The following FRMD4A variants were observed in gnomAD, a reference collection of about 807,000 sequenced individuals.
FRMD4A encodes the protein FERM domain-containing protein 4A.
A neutral mutation model predicts 129.1 loss-of-function variants in FRMD4A; 29 were observed. The observed-to-expected ratio is 0.22, with a 90% CI of 0.17 to 0.31. The LOEUF (loss-of-function observed/expected upper bound fraction) is 0.31. Ranked by LOEUF, FRMD4A falls within the 10% of genes least tolerant of loss-of-function variation. The probability of loss-of-function intolerance (pLI) is 1.00; values close to 1 mark genes in which losing one functional copy is unlikely to be tolerated. For missense variants in FRMD4A, 1,272 were observed against 1,375.8 expected, an observed-to-expected ratio of 0.92 and a Z score of 1.19; for synonymous variants, 634 against 571.6, an observed-to-expected ratio of 1.11 and a Z score of -1.56.
At chr10:13,956,312 C>G (rs1011989099) in intron 2 of FRMD4A, among the ~76,000 whole-genome samples, 2 of 152,140 alleles carry the variant, frequency 1.3e-5, no homozygotes, top group East Asian at 3.9e-4. Flanking sequence ...GCCACCACAC[C>G]CGGCTAATTT....
chr10:13,948,572 C>A (rs916850190), intron 2 of FRMD4A, among the ~76,000 whole-genome samples: 5 of 150,902 alleles, frequency 3.3e-5, no homozygotes. Flanking sequence ...CTCTAGGGTA[C>A]AGCATGGGCA....
chr10:13,755,930 C>T (rs894069708), intron 8 of FRMD4A: 1 of 152,194 alleles, frequency 6.6e-6, no homozygotes, highest in Non-Finnish European at 1.5e-5. Context: ...AGGGTCCCTT[C>T]CATCGCCTCT....
chr10:14,245,832 T>G (rs1227274781), intron 2 of FRMD4A, among the ~76,000 whole-genome samples: 1 of 152,140 alleles, frequency 6.6e-6, no homozygotes, highest in Non-Finnish European at 1.5e-5. Flanking sequence ...ACCCTCCCAG[T>G]CTGTGGTGCT....
chr10:13,707,513 G>A (rs1190776994), intron 12 of FRMD4A: 1 of 1,008,662 alleles, frequency 9.9e-7, no homozygotes, highest in Non-Finnish European at 1.2e-6. Flanking sequence ...GGAGAGGAGC[G>A]AGAGGAGCGA....
intron 2 of FRMD4A, among the ~76,000 whole-genome samples, chr10:14,268,332 A>G (rs1247543474): frequency 1.3e-5 from 2 of 152,240 alleles, no homozygotes; most frequent in Non-Finnish European, 2.9e-5. Flanking sequence ...CACTTGTGCC[A>G]TCCACAACAA....
At chr10:14,263,981 T>C (rs940715128) in intron 2 of FRMD4A, among the ~76,000 whole-genome samples, 16 of 152,132 alleles carry the variant, frequency 1.1e-4, no homozygotes, top group African/African-American at 3.6e-4. Context: ...TGAGCGAGCA[T>C]TGCACCAACC....
intron 18 of FRMD4A, among the ~76,000 whole-genome samples, chr10:13,665,863 C>T (rs1564555038): frequency 6.6e-6 from 1 of 152,214 alleles, no homozygotes; most frequent in Non-Finnish European, 1.5e-5. Context: ...GGGAGGAAAC[C>T]AATAGTGATA....
At chr10:13,971,094 T>TCA (rs753118088) in intron 2 of FRMD4A, among the ~76,000 whole-genome samples, 5 of 151,638 alleles carry the variant, frequency 3.3e-5, no homozygotes, top group East Asian at 1.9e-4. Context: ...ATAGGTACAC[T>TCA]CACACACACA....
intron 19 of FRMD4A, among the ~76,000 whole-genome samples, 195 bp downstream of exon 19, chr10:13,663,258 A>G (rs1393222647): frequency 6.6e-6 from 1 of 151,584 alleles, no homozygotes; most frequent in Non-Finnish European, 1.5e-5. Flanking sequence ...AAGCTCTAAT[A>G]CACATGGGTT....
At chr10:13,679,375 C>A (rs1341418027) in intron 15 of FRMD4A, among the ~76,000 whole-genome samples, 1 of 126,494 alleles carries the variant, frequency 7.9e-6, no homozygotes, top group South Asian at 2.8e-4. Context: ...TGCAATGAGC[C>A]GAGATTGGTC....
intron 2 of FRMD4A, among the ~76,000 whole-genome samples, chr10:14,227,197 G>A (rs76629834): frequency 0.083 from 11,855 of 142,894 alleles, 602 homozygotes; most frequent in Non-Finnish European, 0.11. Flanking sequence ...CTCTTTAGTC[G>A]TCTTCTTTCT....
At chr10:14,167,015 G>C (rs1211292952) in intron 2 of FRMD4A, among the ~76,000 whole-genome samples, 5 of 152,058 alleles carry the variant, frequency 3.3e-5, no homozygotes, top group Non-Finnish European at 5.9e-5. Flanking sequence ...AATAAACCCT[G>C]GTGTCTGACA....
At chr10:13,683,714 T>G (rs1182321992) in intron 15 of FRMD4A, among the ~76,000 whole-genome samples, 1 of 149,760 alleles carries the variant, frequency 6.7e-6, no homozygotes. Flanking sequence ...CACATCCAGT[T>G]TTTTTTTTTT....
intron 2 of FRMD4A, among the ~76,000 whole-genome samples, chr10:14,312,071 T>C (rs1265536541): frequency 6.6e-6 from 1 of 152,208 alleles, no homozygotes; most frequent in Non-Finnish European, 1.5e-5. Context: ...TTTAAATTAA[T>C]TTGATCTTTG....
At chr10:13,994,638 G>A (rs1161843228) in intron 2 of FRMD4A, among the ~76,000 whole-genome samples, 1 of 152,226 alleles carries the variant, frequency 6.6e-6, no homozygotes, top group Non-Finnish European at 1.5e-5. Context: ...ATTCTTTAAA[G>A]TTGGATTATA....
chr10:14,315,422 A>T (rs1846703250), intron 2 of FRMD4A, among the ~76,000 whole-genome samples: 1 of 152,184 alleles, frequency 6.6e-6, no homozygotes, highest in Non-Finnish European at 1.5e-5. Flanking sequence ...TAAAGATCTG[A>T]GGTCATCCTT....
At chr10:13,811,029 C>A (rs1428109296) in intron 3 of FRMD4A, 121 bp from the exon 4 acceptor site, 3 of 573,554 alleles carry the variant, frequency 5.2e-6, no homozygotes, top group Non-Finnish European at 9.4e-6. Context: ...TATTTTGAAG[C>A]AAATGATTTT....
chr10:14,082,691 G>A (rs779992678), intron 2 of FRMD4A, among the ~76,000 whole-genome samples: 18 of 152,164 alleles, frequency 1.2e-4, no homozygotes, highest in Non-Finnish European at 2.5e-4. Flanking sequence ...CTGCTAAAAT[G>A]TAAAGAGAAT....
chr10:14,096,856 C>T (rs763338830), intron 2 of FRMD4A, among the ~76,000 whole-genome samples: 128 of 152,048 alleles, frequency 8.4e-4, no homozygotes, highest in Admixed American at 9.2e-4. Context: ...AAAAGCAGGC[C>T]GGGTGCGGTG....
Sources: gnomAD v4.1 joint callset for allele counts (sites outside exome capture counted in the v4.1 genomes callset) on GRCh38, gnomAD v4.1.1 for gene constraint, MANE v1.5 for transcripts, NCBI Gene and HGNC (gene_info 2026-07-23, HGNC 2026-07-21) for gene names.